The following MGME1 variants were observed in gnomAD, a reference collection of about 807,000 sequenced individuals.
MGME1 encodes mitochondrial genome maintenance exonuclease 1, also known as chromosome 20 open reading frame 72.
In MGME1, 22 loss-of-function variants were observed where a neutral mutation model predicts 33.0. The ratio of observed to expected loss-of-function variants is 0.67; its 90% CI spans 0.48 to 0.95. The LOEUF (loss-of-function observed/expected upper bound fraction) is 0.95. Among genes scored for constraint, MGME1 ranks in the 40% least tolerant of loss-of-function variants. The pLI is 0.00. For synonymous variants in MGME1, 133 were observed against 144.0 expected, an observed-to-expected ratio of 0.92 and a Z score of 0.55; for missense variants, 383 against 397.8, an observed-to-expected ratio of 0.96 and a Z score of 0.32.
intron 3 of MGME1, among the ~76,000 whole-genome samples, chr20:17,987,572 G>A (rs372547812): frequency 4.0e-5 from 6 of 151,234 alleles, no homozygotes; most frequent in African/African-American, 4.9e-5. Flanking sequence ...TTTCTTTTCC[G>A]ATGTGGCTAC....
At chr20:17,977,051 C>T (rs1487790323) in intron 3 of MGME1, among the ~76,000 whole-genome samples, 4 of 151,950 alleles carry the variant, frequency 2.6e-5, no homozygotes, top group East Asian at 1.9e-4. Context: ...ATCCAGACCC[C>T]GAGAGGGTTC....
intron 3 of MGME1, among the ~76,000 whole-genome samples, chr20:17,985,744 T>C (rs1281011752): frequency 2.0e-5 from 3 of 152,190 alleles, no homozygotes; most frequent in Non-Finnish European, 4.4e-5. Flanking sequence ...ACCATTGTGT[T>C]ATAGTTGCCA....
chr20:17,983,267 TTGTGTGTGTGTGTGTG>T (rs1555791107), intron 3 of MGME1, among the ~76,000 whole-genome samples: 5 of 142,578 alleles, frequency 3.5e-5, no homozygotes, highest in African/African-American at 1.3e-4. Context: ...TAGTGTTCTA[TTGTGTGTGTGTGTGTG>T]TGTGTGTGTG....
intron 4 of MGME1, 71 bp from the exon 5 acceptor site, chr20:17,989,868 G>A (rs1315599773): frequency 1.4e-6 from 2 of 1,443,676 alleles, no homozygotes; most frequent in African/African-American, 1.4e-5. Flanking sequence ...TTGCCCTGGA[G>A]TAAGAAGGAA....
chr20:17,989,644 T>C (rs1421253652), intron 4 of MGME1, among the ~76,000 whole-genome samples: 1 of 151,016 alleles, frequency 6.6e-6, no homozygotes, highest in Non-Finnish European at 1.5e-5. Context: ...GCCTGGACGA[T>C]GGGAGTGGGA....
chr20:17,982,771 AAAT>A (rs1256139789), intron 3 of MGME1, among the ~76,000 whole-genome samples: 1 of 152,202 alleles, frequency 6.6e-6, no homozygotes, highest in Non-Finnish European at 1.5e-5. Flanking sequence ...TGATGTTAAA[AAAT>A]GTTTTTGACT....
At chr20:17,986,869 A>G (rs2036165933) in intron 3 of MGME1, among the ~76,000 whole-genome samples, 1 of 151,938 alleles carries the variant, frequency 6.6e-6, no homozygotes, top group Non-Finnish European at 1.5e-5. Flanking sequence ...CAATTACAGT[A>G]CATTGCTGCA....
chr20:17,989,000 G>A (rs1027886964), intron 4 of MGME1, among the ~76,000 whole-genome samples: 2 of 152,084 alleles, frequency 1.3e-5, no homozygotes, highest in African/African-American at 4.8e-5. Flanking sequence ...GAGGTGGGAG[G>A]ATTGCTTGAG....
At position 17,990,123 on chromosome 20, in the gene MGME1, A is replaced by T. The variant is rs777102195; in HGVS notation, c.*14A>T. On this transcript the variant is annotated 3_prime_UTR_variant, in exon 5 of 5. Transcript: ENST00000377710. The stretch of plus-strand genomic sequence containing the variant: ...TATTCAGAATAGGGAGCAAGTTGCT[A>T]TTTGGGAACATTCAGCACCTTCTCA... 6.2e-7 allele frequency: 1 copy of T among 1,612,408 alleles called. No individual in the cohort carries two copies. The highest frequency in any genetic ancestry group is 1.3e-5 in the African/African-American group (1 of 75,026).
chr20:17,975,769 TCTC>T lies in MGME1; in HGVS notation c.601_603del (p.Leu201del). ...AAACCTTAAAAGAGAGAGATGAAAA[TCTC>T]CTCAAGTCTGGTTACATTGAAAGTG... On this transcript the variant is annotated inframe_deletion, in exon 3 of 5. Transcript: ENST00000377710. The T allele has an allele frequency of 1.9e-6, 3 of 1,613,856 alleles. No homozygotes were observed. The highest frequency in any genetic ancestry group is 2.2e-5 in the East Asian group (1 of 44,856).
chr20:17,981,115 C>T (rs752217702), intron 3 of MGME1, among the ~76,000 whole-genome samples: 9 of 152,088 alleles, frequency 5.9e-5, no homozygotes, highest in Non-Finnish European at 8.8e-5. Flanking sequence ...GACCAATGAT[C>T]TGTGACACAG....
At chr20:17,976,279 G>A (rs6136243) in intron 3 of MGME1, among the ~76,000 whole-genome samples, 40,555 of 151,578 alleles carry the variant, frequency 0.27, 5,842 homozygotes, top group East Asian at 0.44. Flanking sequence ...ATGCACCACC[G>A]CACCTGGCTA....
At chr20:17,985,067 A>T (rs953002409) in intron 3 of MGME1, among the ~76,000 whole-genome samples, 1 of 150,798 alleles carries the variant, frequency 6.6e-6, no homozygotes. Flanking sequence ...AGAAAAGGAA[A>T]ATATTTCTGT....
rs757861031 is a variant in MGME1, at chr20:17,969,960, C to T, written c.101C>T (p.Ser34Leu). 1.4e-5 allele frequency: 23 copies of T among 1,614,194 alleles called. No individual in the cohort carries two copies. Among genetic ancestry groups the T allele is most frequent in the Non-Finnish European group, 1.8e-5 (21 of 1,180,032 alleles). The change falls in exon 2 of 5, where the codon TCA becomes TTA. Residue 34 changes from serine (S) to leucine (L), a missense_variant. Ser to Leu is a moderately radical substitution (Grantham distance 145). Transcript: ENST00000377710. ...ALVAFSTSSY[S>L]CGRKKKVNPY... The stretch of plus-strand genomic sequence containing the variant: ...GTGGCTTTCTCTACTTCCTCTTACT[C>T]ATGTGGCCGGAAGAAAAAAGTGAAC...
chr20:17,989,981 C>A lies in MGME1; in HGVS notation c.907C>A (p.Pro303Thr). 1 of 1,614,196 alleles carries A rather than the reference C, an allele frequency of 6.2e-7. No individual in the cohort carries two copies. The highest frequency in any genetic ancestry group is 2.2e-5 in the East Asian group (1 of 44,882). ...LIVVAYKDGS[P>T]AHPHFMDAEL... ...TGTGGTGGCCTACAAAGATGGATCA[C>A]CTGCCCACCCACATTTCATGGATGC... The change falls in exon 5 of 5, where the codon CCT becomes ACT. Residue 303 changes from proline to threonine, a missense_variant. Physicochemically the swap from Pro to Thr is conservative, Grantham distance 38. Transcript: ENST00000377710.
intron 3 of MGME1, among the ~76,000 whole-genome samples, chr20:17,978,588 G>T (rs1348986000): frequency 6.6e-6 from 1 of 152,114 alleles, no homozygotes; most frequent in Admixed American, 6.6e-5. Flanking sequence ...GACTTTGGTT[G>T]CCTTTTAGAT....
intron 3 of MGME1, among the ~76,000 whole-genome samples, chr20:17,982,130 A>G (rs759371102): frequency 3.9e-5 from 6 of 151,994 alleles, no homozygotes; most frequent in African/African-American, 4.8e-5. Flanking sequence ...TCATTTGTTT[A>G]TTTATTTTTT....
intron 3 of MGME1, among the ~76,000 whole-genome samples, chr20:17,979,332 G>A (rs934274029): frequency 3.3e-5 from 5 of 152,054 alleles, no homozygotes; most frequent in Non-Finnish European, 5.9e-5. Context: ...GCCTGTCTCC[G>A]TCTCCCAAAG....
intron 3 of MGME1, among the ~76,000 whole-genome samples, chr20:17,980,785 G>A (rs1301174233): frequency 3.3e-5 from 5 of 151,038 alleles, no homozygotes; most frequent in African/African-American, 1.2e-4. Flanking sequence ...CTCTAGCATG[G>A]GTGACAGAGT....
Sources: gnomAD v4.1 joint callset for allele counts (sites outside exome capture counted in the v4.1 genomes callset) on GRCh38, gnomAD v4.1.1 for gene constraint, MANE v1.5 for transcripts, NCBI Gene and HGNC (gene_info 2026-07-23, HGNC 2026-07-21) for gene names.